Variants in LRFN5 observed in about 807,000 individuals in gnomAD.
LRFN5 encodes the protein leucine rich repeat and fibronectin type III domain containing 5.
A neutral mutation model predicts 45.6 loss-of-function variants in LRFN5; 24 were observed. The ratio of observed to expected loss-of-function variants is 0.53; its 90% confidence interval spans 0.38 to 0.74. The LOEUF is 0.74. Ranked by LOEUF, LRFN5 falls within the 30% of genes least tolerant of loss-of-function variation. LRFN5 has a pLI of 0.00. For synonymous variants in LRFN5, 340 were observed against 313.8 expected, an observed-to-expected ratio of 1.08 and a Z score of -0.88; for missense variants, 776 against 861.5, an observed-to-expected ratio of 0.90 and a Z score of 1.24.
chr14:41,820,958 G>C (rs1432783220), intron 2 of LRFN5, among the ~76,000 whole-genome samples: 1 of 151,944 alleles, frequency 6.6e-6, no homozygotes, highest in African/African-American at 2.4e-5. Context: ...TTTGTATGTT[G>C]CTTTGCATTA....
At chr14:41,696,705 T>C (rs1320844087) in intron 1 of LRFN5, among the ~76,000 whole-genome samples, 1 of 151,970 alleles carries the variant, frequency 6.6e-6, no homozygotes, top group Non-Finnish European at 1.5e-5. Context: ...AAGGAGTCCA[T>C]TTTTCCTGCC....
chr14:41,835,010 TA>T (rs71440752), intron 2 of LRFN5, among the ~76,000 whole-genome samples: 30,126 of 141,894 alleles, frequency 0.21, 3,107 homozygotes, highest in African/African-American at 0.22. Flanking sequence ...CAGAACAAAT[TA>T]AAAAAAAAAA....
chr14:41,882,592 A>G (rs1476211909), intron 2 of LRFN5, among the ~76,000 whole-genome samples: 2 of 152,054 alleles, frequency 1.3e-5, no homozygotes, highest in Non-Finnish European at 2.9e-5. Flanking sequence ...CCCTCTTTCT[A>G]TTCCCATATT....
chr14:41,626,526 C>G (rs1888338636), intron 1 of LRFN5, among the ~76,000 whole-genome samples: 2 of 151,896 alleles, frequency 1.3e-5, no homozygotes, highest in South Asian at 2.1e-4. Context: ...ATCTGAACAT[C>G]TAATTTAATT....
At chr14:41,879,735 A>G (rs942617002) in intron 2 of LRFN5, among the ~76,000 whole-genome samples, 1 of 148,166 alleles carries the variant, frequency 6.7e-6, no homozygotes, top group African/African-American at 2.5e-5. Context: ...CTTCTTGTCT[A>G]TACATTTTCT....
intron 1 of LRFN5, among the ~76,000 whole-genome samples, chr14:41,678,255 C>G (rs1404558966): frequency 6.6e-6 from 1 of 151,514 alleles, no homozygotes; most frequent in Admixed American, 6.6e-5. Context: ...TACATACATA[C>G]ATACATACAT....
intron 2 of LRFN5, among the ~76,000 whole-genome samples, chr14:41,816,018 A>G (rs1296002884): frequency 6.6e-6 from 1 of 152,008 alleles, no homozygotes; most frequent in Non-Finnish European, 1.5e-5. Flanking sequence ...TACTTTTACA[A>G]CTACTCCAAG....
intron 1 of LRFN5, among the ~76,000 whole-genome samples, chr14:41,717,960 G>A (rs1361397765): frequency 6.6e-6 from 1 of 152,082 alleles, no homozygotes; most frequent in Non-Finnish European, 1.5e-5. Context: ...ATATAAGTAT[G>A]CTTCTCATTT....
At chr14:41,765,355 GA>G (rs34981709) in intron 1 of LRFN5, among the ~76,000 whole-genome samples, 37,660 of 124,790 alleles carry the variant, frequency 0.3, 5,775 homozygotes, top group East Asian at 0.78. Flanking sequence ...AAAAAAGGAG[GA>G]AAAAAAAAAA....
chr14:41,699,559 C>T (rs1210524503), intron 1 of LRFN5: 1 of 152,088 alleles, frequency 6.6e-6, no homozygotes, highest in Admixed American at 6.6e-5. Flanking sequence ...ATTAATAGAA[C>T]TTACGAGCTT....
chr14:41,650,365 T>C (rs911861670), intron 1 of LRFN5, among the ~76,000 whole-genome samples: 1 of 151,996 alleles, frequency 6.6e-6, no homozygotes, highest in Admixed American at 6.6e-5. Context: ...CCAATGAGGA[T>C]ATGGTGATTT....
Position 41,839,770 on chromosome 14 carries a change from C to G in LRFN5, c.-20-46836C>G, listed in dbSNP as rs116003712. Among the ~76,000 whole-genome samples, 807 of 152,196 alleles carry G rather than the reference C, an allele frequency of 5.3e-3. 10 individuals are homozygous for G. The highest frequency in any genetic ancestry group is 0.019 in the African/African-American group (780 of 41,548). On this transcript the variant is annotated intron_variant, in intron 2 of 5. Coordinates refer to ENST00000298119, the MANE Select transcript of LRFN5 (RefSeq NM_152447.5). ...GATCTAAATACCTGTGAAGCTATTG[C>G]TATACCCTTGCTGAGGTCTTTCGAT...
chr14:41,860,921 T>G (rs192559482), intron 2 of LRFN5, among the ~76,000 whole-genome samples: 2 of 152,196 alleles, frequency 1.3e-5, no homozygotes, highest in African/African-American at 4.8e-5. Flanking sequence ...TAAAGAATAA[T>G]GCACTTTGAA....
chr14:41,700,279 ATGAGT>A (rs1465908254), intron 1 of LRFN5: 4 of 152,206 alleles, frequency 2.6e-5, no homozygotes, highest in Non-Finnish European at 4.4e-5. Flanking sequence ...AAAGGAACAA[ATGAGT>A]TGAGTCAATT....
chr14:41,858,781 A>G (rs755393041), intron 2 of LRFN5, among the ~76,000 whole-genome samples: 12 of 152,168 alleles, frequency 7.9e-5, no homozygotes, highest in Non-Finnish European at 1.5e-4. Flanking sequence ...AAAAAAAATC[A>G]TGATTAACCC....
At chr14:41,620,752 T>G (rs533651568) in intron 1 of LRFN5, among the ~76,000 whole-genome samples, 8 of 152,082 alleles carry the variant, frequency 5.3e-5, no homozygotes, top group African/African-American at 1.9e-4. Flanking sequence ...CCCAATGATG[T>G]TGGGGAAAGC....
chr14:41,810,800 A>T (rs959811455), intron 2 of LRFN5, among the ~76,000 whole-genome samples: 1 of 152,074 alleles, frequency 6.6e-6, no homozygotes, highest in East Asian at 1.9e-4. Context: ...TGCCAACCTT[A>T]ATGCTGTCTT....
At chr14:41,636,173 T>A (rs1484086247) in intron 1 of LRFN5, among the ~76,000 whole-genome samples, 1 of 152,110 alleles carries the variant, frequency 6.6e-6, no homozygotes, top group Non-Finnish European at 1.5e-5. Context: ...AACTGATGAG[T>A]AAGAGAAATA....
chr14:41,738,006 A>T (rs546112620), intron 1 of LRFN5, among the ~76,000 whole-genome samples: 1 of 152,328 alleles, frequency 6.6e-6, no homozygotes, highest in Non-Finnish European at 1.5e-5. Context: ...TTTAAATTTC[A>T]TGTGGAACCA....
Sources: allele counts gnomAD v4.1 joint callset (sites outside exome capture counted in the v4.1 genomes callset), GRCh38; gene constraint gnomAD v4.1.1; transcripts MANE v1.5; gene names NCBI Gene and HGNC (gene_info 2026-07-23, HGNC 2026-07-21).